The following TULP4 variants were observed in gnomAD, a reference collection of about 807,000 sequenced individuals.
TULP4 encodes TUB like protein 4, also known as tubby-related protein 4.
A neutral mutation model predicts 129.0 loss-of-function variants in TULP4; 16 were observed. The observed-to-expected ratio is 0.12, with a 90% CI of 0.08 to 0.19. The LOEUF is 0.19. Among genes scored for constraint, TULP4 ranks in the 10% least tolerant of loss-of-function variants. The pLI, the probability that TULP4 is intolerant of heterozygous loss-of-function variation, is 1.00. For synonymous variants in TULP4, 998 were observed against 854.0 expected, an observed-to-expected ratio of 1.17 and a Z score of -2.94; for missense variants, 1,842 against 2,059.1, an observed-to-expected ratio of 0.89 and a Z score of 2.04.
At chr6:158,314,415 G>C in intron 1 of TULP4, 147 bp downstream of exon 1, 2 of 702,478 alleles carry the variant, frequency 2.8e-6, no homozygotes, top group Non-Finnish European at 4.2e-6. Context: ...TTATTCTCTG[G>C]CAGAAAAGAT....
intron 1 of TULP4, among the ~76,000 whole-genome samples, chr6:158,370,075 C>T (rs978742303): frequency 6.6e-6 from 1 of 151,942 alleles, no homozygotes; most frequent in Non-Finnish European, 1.5e-5. Flanking sequence ...AGCTGGGCAT[C>T]GTGGCGCATG....
chr6:158,437,328 A>G (rs1041366960), intron 3 of TULP4, among the ~76,000 whole-genome samples: 7 of 152,210 alleles, frequency 4.6e-5, no homozygotes, highest in African/African-American at 1.7e-4. Context: ...TTGGGAGGCC[A>G]GAGCAGGAGA....
chr6:158,240,610 C>T (rs1236949980), intron 1 of TULP4, among the ~76,000 whole-genome samples: 1 of 98,640 alleles, frequency 1.0e-5, no homozygotes, highest in African/African-American at 3.2e-5. Context: ...GCAGAGGCGC[C>T]CCTCACCTCC....
chr6:158,330,078 A>G (rs2128491518), intron 1 of TULP4, among the ~76,000 whole-genome samples: 1 of 152,326 alleles, frequency 6.6e-6, no homozygotes, highest in African/African-American at 2.4e-5. Flanking sequence ...TTAACTCAAT[A>G]TATCTAAAAT....
intron 1 of TULP4, among the ~76,000 whole-genome samples, chr6:158,243,787 A>G (rs550550993): frequency 4.0e-5 from 6 of 151,238 alleles, no homozygotes; most frequent in South Asian, 2.1e-4. Flanking sequence ...AACTTGGTCT[A>G]TGAGTTCAGG....
At chr6:158,396,072 T>C (rs1037901623) in intron 1 of TULP4, among the ~76,000 whole-genome samples, 1 of 152,212 alleles carries the variant, frequency 6.6e-6, no homozygotes. Flanking sequence ...TTCTCAGTGC[T>C]AAAAGTAGGG....
chr6:158,262,709 A>T (rs1778372604), intron 1 of TULP4, among the ~76,000 whole-genome samples: 2 of 152,178 alleles, frequency 1.3e-5, no homozygotes, highest in Non-Finnish European at 2.9e-5. Flanking sequence ...CATGGGATGC[A>T]TGTGCAGATT....
At chr6:158,453,975 A>G (rs939531879) in intron 5 of TULP4, among the ~76,000 whole-genome samples, 1 of 148,118 alleles carries the variant, frequency 6.8e-6, no homozygotes, top group Non-Finnish European at 1.5e-5. Flanking sequence ...AATCAAGTCT[A>G]TATACTTAAC....
rs558599961 is a variant in TULP4, at chr6:158,431,049, T to C, written c.543+1152T>C. Among the ~76,000 whole-genome samples, 13 of 152,316 alleles carry C rather than the reference T, an allele frequency of 8.5e-5. No homozygotes were observed. The South Asian group carries it at 2.7e-3, about 32-fold the overall frequency. ...TGGTATTATGAGATTTATGAAAAGG[T>C]ATTTTCAGCTCCATGTTTCTTCCCT... On this transcript the variant is annotated intron_variant, in intron 3 of 13. Transcript: ENST00000367097.
chr6:158,392,018 C>T (rs1777595209), intron 1 of TULP4, among the ~76,000 whole-genome samples: 1 of 152,076 alleles, frequency 6.6e-6, no homozygotes, highest in Non-Finnish European at 1.5e-5. Flanking sequence ...TGTATTAGTT[C>T]ATTTTCATGC....
At chr6:158,494,581 G>A (rs927183851) in intron 10 of TULP4, among the ~76,000 whole-genome samples, 172 bp from the exon 11 acceptor site, 2 of 152,138 alleles carry the variant, frequency 1.3e-5, no homozygotes. Context: ...TGCGTGCCTG[G>A]CTGCCCTCGT....
rs745962911 is a variant in TULP4, at chr6:158,506,646, G to A, written c.4584G>A (p.Val1528=). The A allele has an allele frequency of 6.2e-7, 1 of 1,614,040 alleles. No individual in the cohort carries two copies. Among genetic ancestry groups the A allele is most frequent in the African/African-American group, 1.3e-5 (1 of 74,930 alleles). Residue 1528 remains valine, a synonymous_variant, in exon 14 of 14, where the codon GTG becomes GTA. Coordinates refer to ENST00000367097, the MANE Select transcript of TULP4 (RefSeq NM_020245.5). ...ILDFQYPFSA[V]QAFAVALANV... is the part of the protein sequence containing the mutation. Reference sequence around the variant, plus strand: ...ACTTCCAGTATCCGTTCTCAGCCGTGCAGGCCTTTGCAGTTGCCCTGGCCA... The same window carrying A: ...ACTTCCAGTATCCGTTCTCAGCCGTACAGGCCTTTGCAGTTGCCCTGGCCA...
intron 3 of TULP4, among the ~76,000 whole-genome samples, chr6:158,443,975 T>G (rs977071172): frequency 6.6e-6 from 1 of 151,988 alleles, no homozygotes; most frequent in Non-Finnish European, 1.5e-5. Context: ...ATCCCAGCAC[T>G]TTGGGGGGCC....
At chr6:158,481,452 A>G in intron 8 of TULP4, 163 bp downstream of exon 8, 1 of 683,646 alleles carries the variant, frequency 1.5e-6, no homozygotes, top group Non-Finnish European at 2.6e-6. Flanking sequence ...TCCCATTGAA[A>G]TGAACAGTTC....
At chr6:158,259,925 T>G (rs1017506150) in intron 1 of TULP4, among the ~76,000 whole-genome samples, 2 of 132,082 alleles carry the variant, frequency 1.5e-5, no homozygotes, top group African/African-American at 5.0e-5. Context: ...TGCCATGGAG[T>G]CAGGGGCATC....
At chr6:158,322,598 G>T (rs1779664893) in intron 1 of TULP4, among the ~76,000 whole-genome samples, 1 of 152,058 alleles carries the variant, frequency 6.6e-6, no homozygotes, top group Non-Finnish European at 1.5e-5. Context: ...ATACCACTTA[G>T]TACCTGGAAA....
At position 158,502,306 on chromosome 6, in the gene TULP4, C is replaced by T. The variant is rs777843012; in HGVS notation, c.2643C>T (p.Thr881=). 3 of 1,613,436 alleles carry T rather than the reference C, an allele frequency of 1.9e-6. No individual in the cohort carries two copies. Among genetic ancestry groups the T allele is most frequent in the Admixed American group, 3.3e-5 (2 of 59,978 alleles). ...SLYPTSVHYQ[T]PLGYERITTF... is the part of the protein sequence containing the mutation. ...ACCCCACGTCAGTGCACTACCAGACCCCCCTGGGCTATGAGAGGATCACCA... is the reference window on the plus strand; with the variant it reads ...ACCCCACGTCAGTGCACTACCAGACTCCCCTGGGCTATGAGAGGATCACCA... Residue 881 remains threonine, a synonymous_variant, in exon 13 of 14, where the codon ACC becomes ACT. Transcript: ENST00000367097.
intron 1 of TULP4, chr6:158,238,494 A>G (rs562771459): frequency 5.6e-6 from 2 of 354,338 alleles, no homozygotes; most frequent in Non-Finnish European, 9.8e-6. Flanking sequence ...TGGCAGGGTC[A>G]TGGGACAATA....
At chr6:158,239,528 A>G (rs1157680932) in intron 1 of TULP4, among the ~76,000 whole-genome samples, 11 of 38,886 alleles carry the variant, frequency 2.8e-4, no homozygotes, top group African/African-American at 6.7e-4. Flanking sequence ...CTTCCCAGTA[A>G]GGGCAGCCGG....
Sources: allele counts gnomAD v4.1 joint callset (sites outside exome capture counted in the v4.1 genomes callset), GRCh38; gene constraint gnomAD v4.1.1; transcripts MANE v1.5; gene names NCBI Gene and HGNC (gene_info 2026-07-23, HGNC 2026-07-21).